The following PARG variants were observed in gnomAD, a reference collection of about 807,000 sequenced individuals.
The protein encoded by PARG is mitochondrial poly(ADP-ribose) glycohydrolase.
Under a neutral mutation model 113.0 loss-of-function variants are expected in PARG, and 35 were observed. The observed-to-expected ratio is 0.31, with a 90% CI of 0.24 to 0.41. The LOEUF is 0.41. PARG is among the 10% of genes least tolerant of loss of function. The pLI, the probability that PARG is intolerant of heterozygous loss-of-function variation, is 1.00. For missense variants in PARG, 797 were observed against 1,169.4 expected, an observed-to-expected ratio of 0.68 and a Z score of 4.64; for synonymous variants, 330 against 409.9, an observed-to-expected ratio of 0.81 and a Z score of 2.36.
chr10:49,883,542 T>C (rs1486611064), intron 8 of PARG, among the ~76,000 whole-genome samples: 11 of 148,152 alleles, frequency 7.4e-5, no homozygotes, highest in Non-Finnish European at 1.6e-4. Context: ...CTCATGCCTG[T>C]AATTTCAGCA....
intron 13 of PARG, among the ~76,000 whole-genome samples, chr10:49,846,096 T>TA (rs1285296496): frequency 6.7e-6 from 1 of 149,978 alleles, no homozygotes; most frequent in Non-Finnish European, 1.5e-5. Context: ...CAACTATTGA[T>TA]AAAAAATTAA....
chr10:49,920,442 G>C (rs1357875357), intron 6 of PARG, among the ~76,000 whole-genome samples: 5 of 66,098 alleles, frequency 7.6e-5, no homozygotes, highest in African/African-American at 2.4e-4. Flanking sequence ...GCAAGACCCA[G>C]CCTCAAATTA....
rs369969724 is a variant in PARG, at chr10:49,835,597, C to T, written c.2542-2689G>A. On this transcript the variant is annotated intron_variant, in intron 15 of 17. Transcript: ENST00000616448. The stretch of plus-strand genomic sequence containing the variant: ...CCTAGAGTTAAAAACTAGAGACCAA[C>T]CAGGACATGGTAATGATAAAGATGT... Among the ~76,000 whole-genome samples the T allele has an allele frequency of 6.6e-5, 10 of 151,428 alleles. No individual in the cohort carries two copies. In the East Asian group the frequency reaches 1.6e-3, roughly 23 times the overall value.
chr10:49,891,801 TG>T (rs1412046189), intron 7 of PARG, among the ~76,000 whole-genome samples: 6 of 150,686 alleles, frequency 4.0e-5, no homozygotes. Context: ...AGCTAATTTT[TG>T]TATTTTTAGA....
intron 13 of PARG, 96 bp downstream of exon 13, chr10:49,857,210 G>A (rs1846037675): frequency 3.4e-6 from 2 of 591,764 alleles, no homozygotes; most frequent in Non-Finnish European, 6.1e-6. Context: ...TGATGCCCAT[G>A]GAAGATAAAA....
chr10:49,905,669 C>T (rs1848550502), intron 7 of PARG, among the ~76,000 whole-genome samples: 1 of 152,176 alleles, frequency 6.6e-6, no homozygotes, highest in South Asian at 2.1e-4. Flanking sequence ...TAACTATTAA[C>T]CCTTTACTTA....
intron 7 of PARG, among the ~76,000 whole-genome samples, chr10:49,893,602 G>A (rs190257250): frequency 3.9e-3 from 600 of 151,956 alleles, no homozygotes; most frequent in East Asian, 0.016. Flanking sequence ...CTGCAGTCTT[G>A]ACCTCCCAGG....
rs376808246 is a variant in PARG at position 49,818,465 on chromosome 10, A to G, written c.*875T>C. 8 of 152,742 alleles carry G rather than the reference A, an allele frequency of 5.2e-5. No individual in the cohort carries two copies. The East Asian group carries it at 1.5e-3, about 29-fold the overall frequency. 9.5% of individuals were successfully genotyped at this position (152,742 alleles called of 1,614,324 possible). A position where few individuals can be genotyped will look rare whatever the true frequency, so the allele number is the denominator to read the frequency against. ...TACCAGAGAAACTTCAATATGTACA[A>G]ATCAGCATGAAGTTCCCAGTTCTCA... On this transcript the variant is annotated 3_prime_UTR_variant, in exon 18 of 18. Transcript: ENST00000616448.
chr10:49,845,165 G>A (rs1462101912), intron 13 of PARG, among the ~76,000 whole-genome samples: 4 of 152,158 alleles, frequency 2.6e-5, no homozygotes, highest in African/African-American at 7.2e-5. Context: ...TATATTGCTG[G>A]GAGAACATAA....
At chr10:49,918,439 A>G (rs4838574) in intron 6 of PARG, among the ~76,000 whole-genome samples, 41,361 of 152,086 alleles carry the variant, frequency 0.27, 5,824 homozygotes, top group Non-Finnish European at 0.32. Flanking sequence ...CCACCATGAG[A>G]TTGCTTGTCA....
intron 1 of PARG, among the ~76,000 whole-genome samples, chr10:49,937,856 T>C (rs1480953430): frequency 1.3e-5 from 2 of 152,186 alleles, no homozygotes; most frequent in Non-Finnish European, 2.9e-5. Flanking sequence ...CATTGATCAG[T>C]CCTTCTTAGG....
At chr10:49,843,713 T>C in intron 13 of PARG, 81 bp from the exon 14 acceptor site, 1 of 948,032 alleles carries the variant, frequency 1.1e-6, no homozygotes, top group Non-Finnish European at 1.7e-6. Context: ...CAAGAATAAC[T>C]TCTGTTTAGC....
rs1324536974 is a variant in PARG at position 49,935,125 on chromosome 10, T to C, written c.235A>G (p.Ile79Val). 6 of 772,736 alleles carry C rather than the reference T, an allele frequency of 7.8e-6. No individual in the cohort carries two copies. Among genetic ancestry groups the C allele is most frequent in the South Asian group, 4.6e-5 (3 of 65,390 alleles). 47.9% of individuals were successfully genotyped at this position (772,736 alleles called of 1,614,324 possible). ...CCTTTAGTGTCCATCCAACTGGTAA[T>C]AGTCTTTTGTTTGAAAACTATAAAA... ...ATSLVFKQKT[I>V]TSWMDTKGIK... The change falls in exon 2 of 18, where the codon ATT becomes GTT. Residue 79 changes from isoleucine (I) to valine (V), a missense_variant. Physicochemically the swap from Ile to Val is conservative, Grantham distance 29. This residue lies in a region of PARG where 284 missense variants were observed against 306.1 expected (regional missense o/e 0.93). Coordinates refer to ENST00000616448, the MANE Select transcript of PARG (RefSeq NM_003631.5).
At chr10:49,941,413 G>T in intron 1 of PARG, 96 bp downstream of exon 1, 2 of 972,242 alleles carry the variant, frequency 2.1e-6, no homozygotes, top group South Asian at 1.4e-5. Context: ...ATGCACACAA[G>T]ACCAGAAAGG....
At chr10:49,923,035 C>T (rs1215405696) in intron 4 of PARG, among the ~76,000 whole-genome samples, 1 of 152,230 alleles carries the variant, frequency 6.6e-6, no homozygotes, top group African/African-American at 2.4e-5. Context: ...TTCTAAGTGT[C>T]ATCCTGATTT....
At chr10:49,892,720 G>A (rs1391354219) in intron 7 of PARG, among the ~76,000 whole-genome samples, 1 of 152,126 alleles carries the variant, frequency 6.6e-6, no homozygotes, top group Admixed American at 6.6e-5. Flanking sequence ...ACATATCAAT[G>A]CATTTTTTAA....
chr10:49,836,278 G>A (rs934039205), intron 15 of PARG, among the ~76,000 whole-genome samples: 5 of 102,148 alleles, frequency 4.9e-5, no homozygotes, highest in African/African-American at 1.5e-4. Context: ...GATTTTCTGA[G>A]GTTTTTAGTA....
chr10:49,941,878 C>A lies in PARG; in HGVS notation c.-153G>T. 1.4e-6 allele frequency: 2 copies of A among 1,379,950 alleles called. No individual in the cohort carries two copies. 85.5% of individuals were successfully genotyped at this position (1,379,950 alleles called of 1,614,324 possible). On this transcript the variant is annotated 5_prime_UTR_variant, in exon 1 of 18. Coordinates refer to ENST00000616448, the MANE Select transcript of PARG (RefSeq NM_003631.5). ...GCTTCTGCAATTGCTGATCCGCCGGCCTCCCAAGTCAGGCCGTAAACACTC... is the reference window on the plus strand; with the variant it reads ...GCTTCTGCAATTGCTGATCCGCCGGACTCCCAAGTCAGGCCGTAAACACTC...
chr10:49,889,076 T>C (rs1165704755), intron 7 of PARG, among the ~76,000 whole-genome samples: 2 of 151,532 alleles, frequency 1.3e-5, no homozygotes, highest in African/African-American at 4.8e-5. Flanking sequence ...TTTTTTTCTT[T>C]GCTGGGACTT....
Sources: allele counts gnomAD v4.1 joint callset (sites outside exome capture counted in the v4.1 genomes callset), GRCh38; gene constraint gnomAD v4.1.1; regional missense constraint gnomAD v4.1.1; transcripts MANE v1.5; gene names NCBI Gene and HGNC (gene_info 2026-07-23, HGNC 2026-07-21).